The following EVI2B variants were observed in gnomAD, a reference collection of about 807,000 sequenced individuals.
The protein encoded by EVI2B is ecotropic viral integration site 2B.
EVI2B carries 4 observed loss-of-function variants against 6.6 expected under a neutral mutation model. The observed-to-expected ratio is 0.61, with a 90% CI of 0.30 to 1.39. EVI2B has a LOEUF of 1.39. Ranked by LOEUF, EVI2B falls within the 40% of genes most tolerant of loss-of-function variation. The pLI is 0.08. For missense variants in EVI2B, 484 were observed against 516.6 expected, an observed-to-expected ratio of 0.94 and a Z score of 0.61; for synonymous variants, 181 against 186.8, an observed-to-expected ratio of 0.97 and a Z score of 0.25.
chr17:31,312,468 A>T (rs2151518512), intron 1 of EVI2B, among the ~76,000 whole-genome samples: 1 of 151,680 alleles, frequency 6.6e-6, no homozygotes, highest in African/African-American at 2.4e-5. Context: ...CCTGTGAGCC[A>T]AGATGGTGCC....
chr17:31,310,505 G>A (rs1038821907), intron 1 of EVI2B, among the ~76,000 whole-genome samples: 83 of 152,118 alleles, frequency 5.5e-4, no homozygotes, highest in African/African-American at 2.0e-3. Context: ...GCCTGTGTTT[G>A]TGAGTGCAGG....
intron 1 of EVI2B, among the ~76,000 whole-genome samples, chr17:31,306,945 T>A (rs745555206): frequency 6.6e-6 from 1 of 151,284 alleles, no homozygotes; most frequent in Non-Finnish European, 1.5e-5. Flanking sequence ...AGGCCAGGAG[T>A]TCAAGAACAG....
At chr17:31,307,118 G>T (rs1021588066) in intron 1 of EVI2B, among the ~76,000 whole-genome samples, 8 of 151,974 alleles carry the variant, frequency 5.3e-5, no homozygotes, top group Admixed American at 2.0e-4. Flanking sequence ...CGCTTCCCAG[G>T]TTCAACTGAT....
At chr17:31,312,339 G>T (rs2068898246) in intron 1 of EVI2B, among the ~76,000 whole-genome samples, 1 of 151,796 alleles carries the variant, frequency 6.6e-6, no homozygotes. Context: ...GTGAAACCCC[G>T]TTTCTACTAA....
Position 31,304,370 on chromosome 17 carries a change from G to T in EVI2B, c.1240C>A (p.Gln414Lys). The change falls in exon 2 of 2, where the codon CAA becomes AAA. Residue 414 changes from glutamine to lysine, a missense_variant. Gln to Lys is a moderately conservative substitution (Grantham distance 53). Transcript: ENST00000330927. ...TGGATCTCAAGGTTGGAATCTTCTT[G>T]GTTTTTCATAAAATCTACTGGTGGC... is the stretch of plus-strand genomic sequence containing the variant. Reference protein sequence around the residue: ...PLPPVDFMKNQEDSNLEIQCQ... With the variant: ...PLPPVDFMKNKEDSNLEIQCQ... 1 of 1,614,062 alleles carries T rather than the reference G, an allele frequency of 6.2e-7. No homozygotes were observed. Among genetic ancestry groups the T allele is most frequent in the Non-Finnish European group, 8.5e-7 (1 of 1,179,990 alleles).
At chr17:31,313,137 A>G (rs566789878) in intron 1 of EVI2B, among the ~76,000 whole-genome samples, 40 of 152,294 alleles carry the variant, frequency 2.6e-4, no homozygotes, top group African/African-American at 7.5e-4. Flanking sequence ...GTATAATAAT[A>G]ATAGTCAAAT....
At chr17:31,308,360 C>T (rs1454052331) in intron 1 of EVI2B, among the ~76,000 whole-genome samples, 1 of 152,068 alleles carries the variant, frequency 6.6e-6, no homozygotes, top group Non-Finnish European at 1.5e-5. Context: ...AGACCGGTCT[C>T]GAACTCCTGA....
chr17:31,306,896 T>G (rs1191043681), intron 1 of EVI2B, among the ~76,000 whole-genome samples: 1 of 151,726 alleles, frequency 6.6e-6, no homozygotes, highest in African/African-American at 2.4e-5. Flanking sequence ...ATTCCTGTAA[T>G]CCCAGCACTT....
intron 1 of EVI2B, among the ~76,000 whole-genome samples, chr17:31,309,487 A>G (rs555390946): frequency 2.0e-5 from 3 of 152,276 alleles, no homozygotes; most frequent in East Asian, 1.9e-4. Context: ...GTTCCTACCC[A>G]TTATTCTTAT....
chr17:31,305,975 T>C (rs921154047), intron 1 of EVI2B, among the ~76,000 whole-genome samples: 3 of 152,208 alleles, frequency 2.0e-5, no homozygotes, highest in Admixed American at 2.0e-4. Context: ...ATAGGCTCTA[T>C]ATGCTGGATC....
At chr17:31,306,891 T>G (rs983874792) in intron 1 of EVI2B, among the ~76,000 whole-genome samples, 5 of 152,088 alleles carry the variant, frequency 3.3e-5, no homozygotes, top group African/African-American at 1.2e-4. Flanking sequence ...GGCTCATTCC[T>G]GTAATCCCAG....
In EVI2B at chr17:31,304,640, AACC is replaced by A; in HGVS notation, c.967_969del (p.Gly323del). On this transcript the variant is annotated inframe_deletion, in exon 2 of 2. Transcript: ENST00000330927. ...GAAGAAACAGCAGTTCCAACTGTTG[AACC>A]ATCAGCACTATCTTCTGATGTACCA... is the stretch of plus-strand genomic sequence containing the variant. 4.3e-6 allele frequency: 7 copies of A among 1,614,194 alleles called. No homozygotes were observed. The highest frequency in any genetic ancestry group is 5.9e-6 in the Non-Finnish European group (7 of 1,180,016).
At position 31,304,725 on chromosome 17, in the gene EVI2B, A is replaced by G. The variant is rs1395743325; in HGVS notation, c.885T>C (p.Ser295=). The G allele has an allele frequency of 1.2e-6, 2 of 1,613,948 alleles. No homozygotes were observed. Among genetic ancestry groups the G allele is most frequent in the Non-Finnish European group, 8.5e-7 (1 of 1,179,994 alleles). The change falls in exon 2 of 2, where the codon AGT becomes AGC. Residue 295 remains serine (S), a synonymous_variant. Coordinates refer to ENST00000330927, the MANE Select transcript of EVI2B (RefSeq NM_006495.4). The part of the protein sequence containing the change: ...DDLEIKLFES[S]ENIEDSNNPK... ...GGTTGTTGGAGTCTTCAATGTTTTC[A>G]CTTGATTCAAACAACTTAATTTCTA... is the stretch of plus-strand genomic sequence containing the variant.
rs761631949 is a variant in EVI2B at position 31,304,356 on chromosome 17, G to A, written c.1254C>T (p.Asn418=). 1 of 1,614,138 alleles carries A rather than the reference G, an allele frequency of 6.2e-7. No individual in the cohort carries two copies. Among genetic ancestry groups the A allele is most frequent in the Non-Finnish European group, 8.5e-7 (1 of 1,180,002 alleles). Reference sequence around the variant, plus strand: ...AGAACTCCTGACACTGGATCTCAAGGTTGGAATCTTCTTGGTTTTTCATAA... The same window carrying A: ...AGAACTCCTGACACTGGATCTCAAGATTGGAATCTTCTTGGTTTTTCATAA... ...VDFMKNQEDS[N]LEIQCQEFSI... is the part of the protein sequence containing the mutation. Residue 418 remains asparagine (N), a synonymous_variant, in exon 2 of 2, where the codon AAC becomes AAT. Transcript: ENST00000330927.
Position 31,303,795 on chromosome 17 carries a change from C to G in EVI2B, c.*468G>C, listed in dbSNP as rs531113500. On this transcript the variant is annotated 3_prime_UTR_variant, in exon 2 of 2. Transcript: ENST00000330927. The stretch of plus-strand genomic sequence containing the variant: ...TCTATTCTCAAACATGCATTTTAAT[C>G]TCCCATTCCCACAAACTTGGAATAT... The G allele has an allele frequency of 6.6e-6, 1 of 152,668 alleles. No homozygotes were observed. Among genetic ancestry groups the G allele is most frequent in the East Asian group, 1.9e-4 (1 of 5,186 alleles). 9.5% of individuals were successfully genotyped at this position (152,668 alleles called of 1,614,324 possible).
chr17:31,307,024 C>T (rs1394960280), intron 1 of EVI2B, among the ~76,000 whole-genome samples: 1 of 151,526 alleles, frequency 6.6e-6, no homozygotes, highest in African/African-American at 2.4e-5. Context: ...AAAATAATTA[C>T]AATAATTTTT....
At chr17:31,308,630 G>A (rs1204718928) in intron 1 of EVI2B, among the ~76,000 whole-genome samples, 2 of 114,106 alleles carry the variant, frequency 1.8e-5, no homozygotes, top group African/African-American at 5.3e-5. Flanking sequence ...CTTCTCAAGG[G>A]TGTTCTTTTT....
rs753236143 is a variant in EVI2B at position 31,305,637 on chromosome 17, C to A, written c.-21-7G>T. The A allele has an allele frequency of 1.9e-6, 3 of 1,588,722 alleles. No individual in the cohort carries two copies. The highest frequency in any genetic ancestry group is 1.7e-6 in the Non-Finnish European group (2 of 1,167,738). On this transcript the variant is annotated splice_region_variant and splice_polypyrimidine_tract_variant and intron_variant, in intron 1 of 1. Transcript: ENST00000330927. ...CAGAATATTTCCTCGTTATCTATAG[C>A]GGGTTTATAATGAAAGAGAAAGACA... is the stretch of plus-strand genomic sequence containing the variant.
chr17:31,307,267 C>T (rs2068749625), intron 1 of EVI2B, among the ~76,000 whole-genome samples: 1 of 152,128 alleles, frequency 6.6e-6, no homozygotes, highest in Non-Finnish European at 1.5e-5. Flanking sequence ...GATCTGCCTG[C>T]CTTGGCCTCC....
Sources: gnomAD v4.1 joint callset for allele counts (sites outside exome capture counted in the v4.1 genomes callset) on GRCh38, gnomAD v4.1.1 for gene constraint, MANE v1.5 for transcripts, NCBI Gene and HGNC (gene_info 2026-07-23, HGNC 2026-07-21) for gene names.